Variants in COL27A1 observed in about 807,000 individuals in gnomAD.
COL27A1 encodes collagen alpha-1(XXVII) chain.
In COL27A1, 106 loss-of-function variants were observed where a neutral mutation model predicts 251.3. The ratio of observed to expected loss-of-function variants is 0.42; its 90% confidence interval spans 0.36 to 0.50. The LOEUF (loss-of-function observed/expected upper bound fraction) is 0.50, where lower values mean the gene tolerates loss of function less well. COL27A1 is among the 20% of genes least tolerant of loss of function. The pLI, the probability that COL27A1 is intolerant of heterozygous loss-of-function variation, is 0.00. For synonymous variants in COL27A1, 1,000 were observed against 986.3 expected, an observed-to-expected ratio of 1.01 and a Z score of -0.26; for missense variants, 2,325 against 2,522.8, an observed-to-expected ratio of 0.92 and a Z score of 1.68.
chr9:114,262,138 CCT>C (rs915864103), intron 28 of COL27A1, among the ~76,000 whole-genome samples: 6 of 152,182 alleles, frequency 3.9e-5, no homozygotes, highest in African/African-American at 7.2e-5. Flanking sequence ...CAGCTCAGCC[CCT>C]GTCCCAGCTC....
At chr9:114,196,699 T>C (rs1564455837) in intron 7 of COL27A1, among the ~76,000 whole-genome samples, 1 of 152,202 alleles carries the variant, frequency 6.6e-6, no homozygotes, top group Non-Finnish European at 1.5e-5. Context: ...GCTGTTGTTA[T>C]GTCACGCCCA....
At position 114,282,301 on chromosome 9, in the gene COL27A1, C is replaced by G; in HGVS notation, c.3742C>G (p.Gln1248Glu). 1 of 1,614,024 alleles carries G rather than the reference C, an allele frequency of 6.2e-7. No individual in the cohort carries two copies. Among genetic ancestry groups the G allele is most frequent in the Non-Finnish European group, 8.5e-7 (1 of 1,180,014 alleles). Reference protein sequence around the residue: ...VRGPEGKSGKQGEKGRTGAKG... With the variant: ...VRGPEGKSGKEGEKGRTGAKG... ...GGGTCCTGAAGGAAAATCAGGGAAG[C>G]AAGGCGAGAAGGGCCGCACTGGAGC... The change falls in exon 38 of 61, where the codon CAA (glutamine) becomes GAA (glutamate). Residue 1248 changes from glutamine to glutamate, a missense_variant. By Grantham distance (29) the Gln-to-Glu change is conservative. Around this residue, in one of 4 missense-constraint regions of COL27A1, gnomAD observed 662 missense variants for 795.3 expected, o/e 0.83. Coordinates refer to ENST00000356083, the MANE Select transcript of COL27A1 (RefSeq NM_032888.4).
chr9:114,305,363 AAG>A (rs1391817327), intron 57 of COL27A1, among the ~76,000 whole-genome samples: 2 of 152,124 alleles, frequency 1.3e-5, no homozygotes, highest in East Asian at 1.9e-4. Flanking sequence ...GGTCAGTGGA[AAG>A]AGAGGGGAAC....
chr9:114,160,299 C>G (rs1024057439), intron 1 of COL27A1, among the ~76,000 whole-genome samples: 1 of 151,878 alleles, frequency 6.6e-6, no homozygotes, highest in Non-Finnish European at 1.5e-5. Context: ...GGACTACAGG[C>G]GCCCGCCACC....
chr9:114,288,760 G>A lies in COL27A1; in HGVS notation c.4098+5G>A, dbSNP rs1424732217. Reference sequence around the variant, plus strand: ...CCGGGAGACCCTGGGTACCCTGTAAGTATCAGAGCTCCTACCTGCTGGCAG... The same window carrying A: ...CCGGGAGACCCTGGGTACCCTGTAAATATCAGAGCTCCTACCTGCTGGCAG... On this transcript the variant is annotated splice_donor_5th_base_variant and intron_variant, in intron 43 of 60. Coordinates refer to ENST00000356083, the MANE Select transcript of COL27A1 (RefSeq NM_032888.4). 1 of 1,609,652 alleles carries A rather than the reference G, an allele frequency of 6.2e-7. No individual in the cohort carries two copies.
In COL27A1 at chr9:114,231,813, G is replaced by T; in HGVS notation, c.2521-9G>T. 1 of 1,614,196 alleles carries T rather than the reference G, an allele frequency of 6.2e-7. No homozygotes were observed. Among genetic ancestry groups the T allele is most frequent in the Non-Finnish European group, 8.5e-7 (1 of 1,180,020 alleles). ...CCCATCACAGCTGGCCTTGGGCTTT[G>T]TCTTGCAGGGACTGATGGGCAGCGT... On this transcript the variant is annotated splice_polypyrimidine_tract_variant and intron_variant, in intron 15 of 60. Coordinates refer to ENST00000356083, the MANE Select transcript of COL27A1 (RefSeq NM_032888.4).
intron 23 of COL27A1, 61 bp downstream of exon 23, chr9:114,243,621 C>A: frequency 7.0e-7 from 1 of 1,423,180 alleles, no homozygotes; most frequent in Non-Finnish European, 9.8e-7. Context: ...ATATCTGGGC[C>A]CCAAGTCAAG....
At chr9:114,235,319 G>A (rs575322599) in intron 16 of COL27A1, among the ~76,000 whole-genome samples, 11 of 152,316 alleles carry the variant, frequency 7.2e-5, no homozygotes, top group African/African-American at 2.6e-4. Flanking sequence ...CTCCAGGCAA[G>A]GCCAGTTGAC....
chr9:114,180,930 G>A (rs1033537730), intron 4 of COL27A1, among the ~76,000 whole-genome samples: 1 of 152,194 alleles, frequency 6.6e-6, no homozygotes, highest in Non-Finnish European at 1.5e-5. Flanking sequence ...GCTGGGGCAC[G>A]ACTGGGGAGA....
intron 41 of COL27A1, among the ~76,000 whole-genome samples, chr9:114,285,443 C>A (rs904006688): frequency 1.3e-5 from 2 of 152,162 alleles, no homozygotes; most frequent in Non-Finnish European, 2.9e-5. Flanking sequence ...CCAGAACCCA[C>A]GTGTCTAAGT....
chr9:114,289,968 C>A lies in COL27A1; in HGVS notation c.4207-90C>A. On this transcript the variant is annotated intron_variant, in intron 45 of 60. Coordinates refer to ENST00000356083, the MANE Select transcript of COL27A1 (RefSeq NM_032888.4). The stretch of plus-strand genomic sequence containing the variant: ...GTGGCATCAGATGTTCACCCAGGGG[C>A]CCACAATCCTCTCAGTCCCTCCTTC... The A allele has an allele frequency of 2.9e-6, 4 of 1,397,596 alleles. No homozygotes were observed. The Admixed American group carries it at 5.1e-5, about 18-fold the overall frequency. The allele number at this position is 1,397,596 out of a possible 1,614,324, so 86.6% of individuals were successfully genotyped here. A position where few individuals can be genotyped will look rare whatever the true frequency, so the allele number is the denominator to read the frequency against.
chr9:114,227,843 A>C (rs1831604156), intron 14 of COL27A1, among the ~76,000 whole-genome samples: 1 of 152,154 alleles, frequency 6.6e-6, no homozygotes, highest in South Asian at 2.1e-4. Context: ...GCTCCGGCCA[A>C]GCTGGCCTCG....
At chr9:114,163,190 C>T (rs553696521) in intron 2 of COL27A1, among the ~76,000 whole-genome samples, 4 of 151,932 alleles carry the variant, frequency 2.6e-5, no homozygotes, top group Non-Finnish European at 4.4e-5. Flanking sequence ...GCCCAGATCA[C>T]GCCACTGCAC....
chr9:114,288,509 C>G lies in COL27A1; in HGVS notation c.4042C>G (p.Arg1348Gly). ...AEGPPGPPGDRGPVGDRGDRG... is the reference protein window; with the variant it reads ...AEGPPGPPGDGGPVGDRGDRG... Reference sequence around the variant, plus strand: ...GGGGCCCCCTGGGCCACCTGGAGATCGGGTAAGCCCCCTCCCTCCCCTGGA... The same window carrying G: ...GGGGCCCCCTGGGCCACCTGGAGATGGGGTAAGCCCCCTCCCTCCCCTGGA... Residue 1348 changes from arginine to glycine, a missense_variant and splice_region_variant, in exon 42 of 61, where the codon CGG becomes GGG. Coordinates refer to ENST00000356083, the MANE Select transcript of COL27A1 (RefSeq NM_032888.4). 6.2e-7 allele frequency: 1 copy of G among 1,604,328 alleles called. No individual in the cohort carries two copies. Among genetic ancestry groups the G allele is most frequent in the Non-Finnish European group, 8.5e-7 (1 of 1,176,506 alleles).
chr9:114,286,574 G>A (rs1342684795), intron 41 of COL27A1, among the ~76,000 whole-genome samples: 1 of 152,106 alleles, frequency 6.6e-6, no homozygotes, highest in Non-Finnish European at 1.5e-5. Context: ...TGAGACTCTG[G>A]GACTTGGACA....
chr9:114,283,836 C>A, intron 40 of COL27A1, 74 bp downstream of exon 40: 1 of 1,469,056 alleles, frequency 6.8e-7, no homozygotes, highest in Non-Finnish European at 9.5e-7. Context: ...ATGCCAGCCT[C>A]TGCCCCACCA....
intron 14 of COL27A1, among the ~76,000 whole-genome samples, chr9:114,226,424 T>C (rs1159926266): frequency 6.6e-6 from 1 of 152,196 alleles, no homozygotes; most frequent in Non-Finnish European, 1.5e-5. Context: ...AAACTGAGCC[T>C]CAGAGAGGGT....
chr9:114,205,627 C>T (rs1829900166), intron 8 of COL27A1, 132 bp from the exon 9 acceptor site: 3 of 844,962 alleles, frequency 3.6e-6, no homozygotes, highest in Non-Finnish European at 5.9e-6. Context: ...GGGGCCCTCC[C>T]CTTCCTCCTG....
At chr9:114,278,302 GTGGT>G in intron 37 of COL27A1, among the ~76,000 whole-genome samples, 2 of 143,122 alleles carry the variant, frequency 1.4e-5, no homozygotes, top group African/African-American at 2.7e-5. Flanking sequence ...GGTGGTAGTG[GTGGT>G]AGTGGTGACT....
Sources: gnomAD v4.1 joint callset for allele counts (sites outside exome capture counted in the v4.1 genomes callset) on GRCh38, gnomAD v4.1.1 for gene constraint, gnomAD v4.1.1 regional missense constraint, MANE v1.5 for transcripts, NCBI Gene and HGNC (gene_info 2026-07-23, HGNC 2026-07-21) for gene names.